The following KIAA1217 variants were observed in gnomAD, a reference collection of about 807,000 sequenced individuals.
KIAA1217 encodes KIAA1217, also known as sickle tail protein homolog.
A neutral mutation model predicts 163.9 loss-of-function variants in KIAA1217; 88 were observed. The observed-to-expected ratio is 0.54, with a 90% CI of 0.45 to 0.64. The LOEUF is 0.64. Among genes scored for constraint, KIAA1217 ranks in the 30% least tolerant of loss-of-function variants. KIAA1217 has a pLI of 0.00. For synonymous variants in KIAA1217, 903 were observed against 923.1 expected, an observed-to-expected ratio of 0.98 and a Z score of 0.39; for missense variants, 2,372 against 2,475.0, an observed-to-expected ratio of 0.96 and a Z score of 0.88.
At chr10:24,119,103 T>A (rs980684079) in intron 2 of KIAA1217, among the ~76,000 whole-genome samples, 1 of 152,196 alleles carries the variant, frequency 6.6e-6, no homozygotes, top group Non-Finnish European at 1.5e-5. Context: ...TGAACACTGT[T>A]CAGTACTAGC....
At chr10:23,853,901 C>A (rs1206887736) in intron 1 of KIAA1217, among the ~76,000 whole-genome samples, 1 of 152,018 alleles carries the variant, frequency 6.6e-6, no homozygotes, top group African/African-American at 2.4e-5. Context: ...TGATTCTTCT[C>A]TCTTTTCTTC....
intron 2 of KIAA1217, among the ~76,000 whole-genome samples, chr10:24,131,664 AG>A (rs2063657555): frequency 6.6e-6 from 1 of 152,236 alleles, no homozygotes; most frequent in African/African-American, 2.4e-5. Flanking sequence ...AATGATAAAA[AG>A]AAGGAAATAA....
intron 2 of KIAA1217, among the ~76,000 whole-genome samples, chr10:24,066,432 G>C (rs1029744731): frequency 6.6e-6 from 1 of 152,120 alleles, no homozygotes; most frequent in Non-Finnish European, 1.5e-5. Flanking sequence ...GAAATTCTGG[G>C]TTGAAAATTC....
intron 1 of KIAA1217, among the ~76,000 whole-genome samples, chr10:23,708,179 TG>T (rs1188730500): frequency 1.3e-5 from 2 of 152,136 alleles, no homozygotes; most frequent in Non-Finnish European, 2.9e-5. Flanking sequence ...TCAGATCTCA[TG>T]GGACTTACTT....
chr10:24,534,095 A>T (rs896997385), intron 16 of KIAA1217, among the ~76,000 whole-genome samples: 1 of 152,234 alleles, frequency 6.6e-6, no homozygotes, highest in African/African-American at 2.4e-5. Flanking sequence ...CGACGTACCA[A>T]TGGCTTTGTG....
intron 2 of KIAA1217, chr10:24,239,246 G>T (rs940844385): frequency 1.0e-6 from 1 of 985,270 alleles, no homozygotes; most frequent in Non-Finnish European, 1.2e-6. Flanking sequence ...AGCTCCGAAG[G>T]AAGACCCTGG....
chr10:24,109,667 G>A (rs897932066), intron 2 of KIAA1217, among the ~76,000 whole-genome samples: 17 of 152,106 alleles, frequency 1.1e-4, no homozygotes, highest in Non-Finnish European at 1.9e-4. Context: ...GTGAAAGGAA[G>A]AATGGTGAAA....
chr10:23,902,031 A>G (rs546098481), intron 1 of KIAA1217, among the ~76,000 whole-genome samples: 12 of 152,218 alleles, frequency 7.9e-5, no homozygotes, highest in African/African-American at 2.6e-4. Flanking sequence ...CAAATAATAC[A>G]GAGCCTTTAC....
intron 3 of KIAA1217, among the ~76,000 whole-genome samples, chr10:24,421,120 C>T (rs2058702624): frequency 6.6e-6 from 1 of 152,176 alleles, no homozygotes; most frequent in Admixed American, 6.5e-5. Context: ...ATTCTCCTGC[C>T]TCAGCCTCCC....
chr10:24,511,034 T>G (rs1170432087), intron 9 of KIAA1217, among the ~76,000 whole-genome samples: 1 of 150,938 alleles, frequency 6.6e-6, no homozygotes, highest in Non-Finnish European at 1.5e-5. Context: ...GGAAGAGCAT[T>G]CTGGGAGATG....
At chr10:23,934,625 A>ATATATTTTT (rs1554826424) in intron 1 of KIAA1217, among the ~76,000 whole-genome samples, 1 of 68,550 alleles carries the variant, frequency 1.5e-5, no homozygotes, top group Non-Finnish European at 2.6e-5. Context: ...ATATATATAT[A>ATATATTTTT]TTTTTTTTTT....
chr10:23,897,444 T>A (rs980172260), intron 1 of KIAA1217, among the ~76,000 whole-genome samples: 1 of 152,084 alleles, frequency 6.6e-6, no homozygotes, highest in Non-Finnish European at 1.5e-5. Flanking sequence ...TCTGGCTTTG[T>A]TGGTGTTCAC....
At chr10:23,971,631 T>G (rs1352109990) in intron 1 of KIAA1217, among the ~76,000 whole-genome samples, 2 of 152,204 alleles carry the variant, frequency 1.3e-5, no homozygotes, top group African/African-American at 4.8e-5. Context: ...CATGACAGAT[T>G]GTAGACTCTG....
intron 2 of KIAA1217, among the ~76,000 whole-genome samples, chr10:24,337,655 T>TTTTC: frequency 1.8e-5 from 2 of 114,276 alleles, no homozygotes; most frequent in African/African-American, 3.3e-5. Context: ...CTTTTCTTTT[T>TTTTC]TTTTTTTGAG....
intron 2 of KIAA1217, among the ~76,000 whole-genome samples, chr10:24,259,930 C>T (rs1238452078): frequency 6.6e-6 from 1 of 152,196 alleles, no homozygotes; most frequent in Non-Finnish European, 1.5e-5. Flanking sequence ...CCAAACCATT[C>T]CATCTGTTGT....
chr10:23,867,378 G>T (rs943026202), intron 1 of KIAA1217, among the ~76,000 whole-genome samples: 6 of 152,014 alleles, frequency 3.9e-5, no homozygotes, highest in Admixed American at 2.6e-4. Flanking sequence ...TAATGGGATG[G>T]CTGGGTCAAA....
At chr10:24,365,400 TG>T (rs146309928) in intron 2 of KIAA1217, among the ~76,000 whole-genome samples, 36,747 of 150,258 alleles carry the variant, frequency 0.24, 4,759 homozygotes, top group African/African-American at 0.35. Context: ...GCTTTTTTTT[TG>T]TCCCCCTTTT....
chr10:23,778,164 C>CAG (rs1835089718), intron 1 of KIAA1217, among the ~76,000 whole-genome samples: 1 of 152,080 alleles, frequency 6.6e-6, no homozygotes, highest in Non-Finnish European at 1.5e-5. Flanking sequence ...TGGTCTTGAA[C>CAG]TCCTGACCTC....
intron 5 of KIAA1217, among the ~76,000 whole-genome samples, chr10:24,440,099 C>T (rs1250783909): frequency 1.3e-5 from 2 of 152,160 alleles, no homozygotes; most frequent in Non-Finnish European, 2.9e-5. Flanking sequence ...GAGGGAAAGG[C>T]CTCTCACGTA....
Sources: allele counts gnomAD v4.1 joint callset (sites outside exome capture counted in the v4.1 genomes callset), GRCh38; gene constraint gnomAD v4.1.1; transcripts MANE v1.5; gene names NCBI Gene and HGNC (gene_info 2026-07-23, HGNC 2026-07-21).